The following GDF6 variants were observed in gnomAD, a reference collection of about 807,000 sequenced individuals.
GDF6 encodes growth differentiation factor 6, also known as growth/differentiation factor 6.
A neutral mutation model predicts 32.4 loss-of-function variants in GDF6; 3 were observed. That is an observed-to-expected ratio of 0.09 (90% CI 0.04 to 0.24). The LOEUF is 0.24. GDF6 is among the 10% of genes least tolerant of loss of function. The pLI, the probability that GDF6 is intolerant of heterozygous loss-of-function variation, is 1.00. For synonymous variants in GDF6, 296 were observed against 295.3 expected (o/e 1.00, Z -0.03); for missense variants, 589 against 637.9 (o/e 0.92, Z 0.83).
At chr8:96,147,873 C>T (rs1037831887) in intron 1 of GDF6, among the ~76,000 whole-genome samples, 7 of 152,208 alleles carry the variant, frequency 4.6e-5, no homozygotes, top group Non-Finnish European at 1.5e-5. Context: ...TCATTTCCAT[C>T]TTTGCTTACA....
chr8:96,151,361 A>G (rs752715402), intron 1 of GDF6, among the ~76,000 whole-genome samples: 1 of 152,200 alleles, frequency 6.6e-6, no homozygotes, highest in Non-Finnish European at 1.5e-5. Context: ...AACTCATTTA[A>G]TTCTCAAAAC....
Position 96,144,740 on chromosome 8 carries a change from G to A in GDF6, c.1191C>T (p.Pro397=), listed in dbSNP as rs752399647. The stretch of plus-strand genomic sequence containing the variant: ...GCGTCTGGATGATGGCGTGGTTGGT[G>A]GGCTCCAGGTGCGAGCGCAGCGGGA... ...CDFPLRSHLE[P]TNHAIIQTLM... Residue 397 remains proline, a synonymous_variant, in exon 2 of 2, where the codon CCC becomes CCT. Coordinates refer to ENST00000287020, the MANE Select transcript of GDF6 (RefSeq NM_001001557.4). This position sits in a 1 kb window ranked among gnomAD's most constrained non-coding sequence, Gnocchi z 5.1. 3.1e-6 allele frequency: 5 copies of A among 1,614,188 alleles called. No homozygotes were observed. Among genetic ancestry groups the A allele is most frequent in the South Asian group, 2.2e-5 (2 of 91,072 alleles).
At chr8:96,150,028 T>C (rs972375682) in intron 1 of GDF6, among the ~76,000 whole-genome samples, 1 of 152,116 alleles carries the variant, frequency 6.6e-6, no homozygotes, top group Admixed American at 6.5e-5. Context: ...CTTCCTTTGG[T>C]TGGAGGTGGG....
In GDF6 at chr8:96,145,802, G is replaced by C. The variant is rs1273622029; in HGVS notation, c.407-278C>G. Among the ~76,000 whole-genome samples the C allele has an allele frequency of 6.6e-6, 1 of 152,220 alleles. No homozygotes were observed. Among genetic ancestry groups the C allele is most frequent in the South Asian group, 2.1e-4 (1 of 4,828 alleles). ...GGCGAGGCGGCGGCGGCGGCCTACC[G>C]GGTTTTCCCCCCAAAAGGCTTCGTA... On this transcript the variant is annotated intron_variant, in intron 1 of 1. Transcript: ENST00000287020. The surrounding 1 kb of genome is among the most constrained non-coding windows in gnomAD (Gnocchi z 5.6).
At chr8:96,146,377 C>T (rs1812485920) in intron 1 of GDF6, among the ~76,000 whole-genome samples, 1 of 150,984 alleles carries the variant, frequency 6.6e-6, no homozygotes, top group Admixed American at 6.6e-5. Flanking sequence ...CTTAAAGGTG[C>T]AGTTCTAGTT....
Position 96,144,921 on chromosome 8 carries a change from G to A in GDF6, c.1010C>T (p.Ala337Val). 6.2e-7 allele frequency: 1 copy of A among 1,600,962 alleles called. No individual in the cohort carries two copies. Among genetic ancestry groups the A allele is most frequent in the Non-Finnish European group, 8.5e-7 (1 of 1,174,280 alleles). Reference protein sequence around the residue: ...PSPGRRRRRTAFASRHGKRHG... With the variant: ...PSPGRRRRRTVFASRHGKRHG... The stretch of plus-strand genomic sequence containing the variant: ...CCGCTTGCCATGGCGACTGGCGAAG[G>A]CCGTGCGCCGCCGCCGGCGGCCGGG... Residue 337 changes from alanine (A) to valine (V), a missense_variant, in exon 2 of 2, where the codon GCC (alanine) becomes GTC (valine). Physicochemically the swap from Ala to Val is moderately conservative, Grantham distance 64 (BLOSUM62 0). This residue lies in a region of GDF6 where 153 missense variants were observed against 226.7 expected (regional missense o/e 0.67). Transcript: ENST00000287020. This position sits in a 1 kb window ranked among gnomAD's most constrained non-coding sequence, Gnocchi z 5.1.
In GDF6 at chr8:96,158,996, CG is replaced by C. The variant is rs958424604; in HGVS notation, c.406+1290del. Among the ~76,000 whole-genome samples the C allele has an allele frequency of 1.1e-3, 143 of 125,948 alleles. 1 individual carries two copies. The highest frequency in any genetic ancestry group is 4.1e-3 in the African/African-American group (140 of 33,810). The allele number at this position is 125,948 out of a possible 152,430, so 82.6% of individuals were successfully genotyped here. ...CCGGGGAAGAGCTCGGGGCTGGGGG[CG>C]GGGGGGCCGTTAGCCTGCTCTAAAA... On this transcript the variant is annotated intron_variant, in intron 1 of 1. Coordinates refer to ENST00000287020, the MANE Select transcript of GDF6 (RefSeq NM_001001557.4).
chr8:96,155,931 G>A (rs1332452977), intron 1 of GDF6, among the ~76,000 whole-genome samples: 1 of 152,136 alleles, frequency 6.6e-6, no homozygotes, highest in African/African-American at 2.4e-5. Context: ...ATAACATGAG[G>A]TACCAGATGA....
rs1812393865 is a variant in GDF6, at chr8:96,142,740, C to T, written c.*1823G>A. The stretch of plus-strand genomic sequence containing the variant: ...CAGCCTTAACAGAACAACAGTGCAT[C>T]CAAAGCAAATGTGCATTTTAAATTA... On this transcript the variant is annotated 3_prime_UTR_variant, in exon 2 of 2. Transcript: ENST00000287020. 1 of 152,594 alleles carries T rather than the reference C, an allele frequency of 6.6e-6. No homozygotes were observed. Among genetic ancestry groups the T allele is most frequent in the South Asian group, 2.1e-4 (1 of 4,824 alleles). The allele number at this position is 152,594 out of a possible 1,614,324, so 9.5% of individuals were successfully genotyped here. A position where few individuals can be genotyped will look rare whatever the true frequency, so the allele number is the denominator to read the frequency against.
Position 96,156,401 on chromosome 8 carries a change from T to C in GDF6, c.406+3886A>G, listed in dbSNP as rs376675877. 9.3e-5 allele frequency among the ~76,000 whole-genome samples: 12 copies of C among 128,398 alleles called. No individual in the cohort carries two copies. In the South Asian group the frequency reaches 1.4e-3, roughly 15 times the overall value. 84.2% of individuals were successfully genotyped at this position (128,398 alleles called of 152,430 possible). A position where few individuals can be genotyped will look rare whatever the true frequency, so the allele number is the denominator to read the frequency against. ...CCCTCTCTCTCTCTCTCTCTCTCTCTCTCTTTCCCTCTCTCTCTCTCTCTC... is the reference window on the plus strand; with the variant it reads ...CCCTCTCTCTCTCTCTCTCTCTCTCCCTCTTTCCCTCTCTCTCTCTCTCTC... On this transcript the variant is annotated intron_variant, in intron 1 of 1. Coordinates refer to ENST00000287020, the MANE Select transcript of GDF6 (RefSeq NM_001001557.4).
chr8:96,155,794 A>G (rs1442610000), intron 1 of GDF6, among the ~76,000 whole-genome samples: 3 of 152,246 alleles, frequency 2.0e-5, no homozygotes, highest in Admixed American at 6.5e-5. Context: ...CTCCGTCCCC[A>G]TTAAAATACT....
Position 96,145,685 on chromosome 8 carries a change from G to T in GDF6, c.407-161C>A, listed in dbSNP as rs1812467320. Among the ~76,000 whole-genome samples the T allele has an allele frequency of 1.3e-5, 2 of 152,214 alleles. No homozygotes were observed. ...CCTGACCACCCCGGCTCCCCATCTG[G>T]CTGGTGCATGGCGCGGGGAAGGGGG... On this transcript the variant is annotated intron_variant, in intron 1 of 1. Coordinates refer to ENST00000287020, the MANE Select transcript of GDF6 (RefSeq NM_001001557.4). The surrounding 1 kb of genome is among the most constrained non-coding windows in gnomAD (Gnocchi z 5.6).
intron 1 of GDF6, among the ~76,000 whole-genome samples, chr8:96,152,067 G>A (rs1812577725): frequency 6.6e-6 from 1 of 152,192 alleles, no homozygotes; most frequent in Non-Finnish European, 1.5e-5. Context: ...CCAGTTCTCT[G>A]GACTTCAGTC....
intron 1 of GDF6, 96 bp downstream of exon 1, chr8:96,160,191 A>C: frequency 1.7e-6 from 2 of 1,196,444 alleles, no homozygotes; most frequent in Non-Finnish European, 2.5e-6. Context: ...TGTCCAGAGC[A>C]GGAAGGGAAT....
chr8:96,154,055 A>C (rs975011642), intron 1 of GDF6, among the ~76,000 whole-genome samples: 1 of 152,138 alleles, frequency 6.6e-6, no homozygotes, highest in Non-Finnish European at 1.5e-5. Flanking sequence ...CCAGGTTTGC[A>C]AAGCAGGCGC....
intron 1 of GDF6, among the ~76,000 whole-genome samples, chr8:96,149,986 C>T: frequency 6.6e-6 from 1 of 152,210 alleles, no homozygotes; most frequent in East Asian, 1.9e-4. Context: ...CTTCCTTGGG[C>T]TAGCCTGTAG....
At chr8:96,146,954 G>T (rs929563860) in intron 1 of GDF6, among the ~76,000 whole-genome samples, 3 of 152,192 alleles carry the variant, frequency 2.0e-5, no homozygotes, top group African/African-American at 7.2e-5. Flanking sequence ...CCACTTCAAT[G>T]TGCAAGGCGG....
chr8:96,148,767 C>G (rs1436543676), intron 1 of GDF6, among the ~76,000 whole-genome samples: 1 of 152,202 alleles, frequency 6.6e-6, no homozygotes, highest in Admixed American at 6.5e-5. Context: ...TCTCCCAGCC[C>G]ATTCGTGGCC....
intron 1 of GDF6, among the ~76,000 whole-genome samples, chr8:96,148,665 G>C (rs1486154838): frequency 6.6e-6 from 1 of 152,218 alleles, no homozygotes; most frequent in Non-Finnish European, 1.5e-5. Flanking sequence ...ATTCACCACT[G>C]AGTAGGGGGG....
Sources: allele counts gnomAD v4.1 joint callset (sites outside exome capture counted in the v4.1 genomes callset), GRCh38; gene constraint gnomAD v4.1.1; regional missense constraint gnomAD v4.1.1; non-coding constraint Gnocchi (gnomAD v3.1); transcripts MANE v1.5; gene names NCBI Gene and HGNC (gene_info 2026-07-23, HGNC 2026-07-21).